Variants in ESRRB observed in about 807,000 individuals in gnomAD.
ESRRB encodes steroid hormone receptor ERR2.
Under a neutral mutation model 46.0 loss-of-function variants are expected in ESRRB, and 16 were observed. The ratio of observed to expected loss-of-function variants is 0.35; its 90% CI spans 0.24 to 0.53. ESRRB has a LOEUF of 0.53. Among genes scored for constraint, ESRRB ranks in the 20% least tolerant of loss-of-function variants. The pLI is 0.93. For synonymous variants in ESRRB, 246 were observed against 259.6 expected, an observed-to-expected ratio of 0.95 and a Z score of 0.50; for missense variants, 488 against 607.4, an observed-to-expected ratio of 0.80 and a Z score of 2.07.
intron 3 of ESRRB, among the ~76,000 whole-genome samples, chr14:76,475,199 T>C (rs1327560737): frequency 6.6e-6 from 1 of 151,760 alleles, no homozygotes; most frequent in African/African-American, 2.4e-5. Flanking sequence ...GCCTATAGAG[T>C]GAGACCCTGT....
Position 76,500,600 on chromosome 14 carries a change from A to C in ESRRB, c.*2142A>C. 4.6e-6 allele frequency: 6 copies of C among 1,297,346 alleles called. No individual in the cohort carries two copies. The highest frequency in any genetic ancestry group is 6.7e-6 in the Non-Finnish European group (6 of 894,654). 80.4% of individuals were successfully genotyped at this position (1,297,346 alleles called of 1,614,324 possible). On this transcript the variant is annotated 3_prime_UTR_variant, in exon 7 of 7. Coordinates refer to ENST00000644823, the MANE Select transcript of ESRRB (RefSeq NM_001379180.1). ...GTGCTGTGTCCTTGCAGCGGGGCCG[A>C]GGTAGCACCCTGCTCTGTCACTTCC... is the stretch of plus-strand genomic sequence containing the variant.
chr14:76,395,617 T>C (rs1348545150), intron 1 of ESRRB, among the ~76,000 whole-genome samples: 1 of 152,070 alleles, frequency 6.6e-6, no homozygotes, highest in Non-Finnish European at 1.5e-5. Context: ...CCTTCTCTTA[T>C]AGGGTTGCAG....
intron 2 of ESRRB, among the ~76,000 whole-genome samples, chr14:76,441,608 G>T (rs74068638): frequency 1.4e-3 from 215 of 152,324 alleles, no homozygotes; most frequent in African/African-American, 5.1e-3. Context: ...CTGAGCCACC[G>T]TGCCTCGCCG....
At chr14:76,458,373 T>A (rs555422761) in intron 2 of ESRRB, among the ~76,000 whole-genome samples, 41 of 151,414 alleles carry the variant, frequency 2.7e-4, no homozygotes, top group Non-Finnish European at 4.9e-4. Context: ...GCTGGGGCCA[T>A]AAAATAAATT....
intron 5 of ESRRB, among the ~76,000 whole-genome samples, chr14:76,489,354 T>C (rs981025657): frequency 2.6e-5 from 4 of 151,880 alleles, no homozygotes; most frequent in African/African-American, 9.7e-5. Flanking sequence ...GGAAATTGGA[T>C]GTCCATTTCT....
chr14:76,375,152 C>T (rs963775223), upstream of ESRRB, among the ~76,000 whole-genome samples: 3 of 150,796 alleles, frequency 2.0e-5, no homozygotes, highest in Non-Finnish European at 4.4e-5. Context: ...TAATTCTATA[C>T]CTACCCCCCT....
Position 76,482,530 on chromosome 14 carries a change from T to C in ESRRB, c.689-68T>C. On this transcript the variant is annotated intron_variant, in intron 4 of 6. Coordinates refer to ENST00000644823, the MANE Select transcript of ESRRB (RefSeq NM_001379180.1). The surrounding 1 kb of genome is among the most constrained non-coding windows in gnomAD (Gnocchi z 4.3). ...GAACCCAACTTTGCTTCCTGACCCATCTGAGCCTCCACCCCGGCCCCTTTC... is the reference window on the plus strand; with the variant it reads ...GAACCCAACTTTGCTTCCTGACCCACCTGAGCCTCCACCCCGGCCCCTTTC... 1 of 1,584,632 alleles carries C rather than the reference T, an allele frequency of 6.3e-7. No homozygotes were observed. The highest frequency in any genetic ancestry group is 8.7e-7 in the Non-Finnish European group (1 of 1,154,674).
intron 3 of ESRRB, among the ~76,000 whole-genome samples, chr14:76,472,299 A>C (rs1889403786): frequency 6.6e-6 from 1 of 152,206 alleles, no homozygotes; most frequent in African/African-American, 2.4e-5. Flanking sequence ...CCTTGGGGAC[A>C]TGGTGGCATG....
Position 76,428,001 on chromosome 14 carries a change from G to A in ESRRB, c.51-11340G>A, listed in dbSNP as rs377022216. Among the ~76,000 whole-genome samples, 15 of 152,208 alleles carry A rather than the reference G, an allele frequency of 9.9e-5. No homozygotes were observed. In the South Asian group the frequency reaches 3.1e-3, roughly 32 times the overall value. On this transcript the variant is annotated intron_variant, in intron 1 of 6. Transcript: ENST00000644823. The stretch of plus-strand genomic sequence containing the variant: ...GAGTGTGTTCAATGACAGTAATTGG[G>A]TTATATATATGTTTGAGATGGAGTT...
intron 2 of ESRRB, among the ~76,000 whole-genome samples, chr14:76,446,695 G>C (rs528700926): frequency 3.2e-4 from 48 of 152,244 alleles, no homozygotes; most frequent in African/African-American, 1.2e-3. Context: ...TATCTTTCTG[G>C]TTAGGATCTA....
chr14:76,487,091 GGT>G (rs1408736429), intron 5 of ESRRB, among the ~76,000 whole-genome samples: 1 of 152,116 alleles, frequency 6.6e-6, no homozygotes, highest in African/African-American at 2.4e-5. Context: ...CACTGTGTGA[GGT>G]GTGTGTGTGG....
intron 2 of ESRRB, among the ~76,000 whole-genome samples, chr14:76,449,828 A>G (rs929717400): frequency 6.8e-6 from 1 of 148,060 alleles, no homozygotes; most frequent in African/African-American, 2.5e-5. Flanking sequence ...GTGCAGAGAC[A>G]TGATCATGGC....
At chr14:76,487,606 C>CT (rs1159124152) in intron 5 of ESRRB, among the ~76,000 whole-genome samples, 21 of 149,054 alleles carry the variant, frequency 1.4e-4, no homozygotes, top group South Asian at 2.1e-4. Flanking sequence ...GGATAAATTT[C>CT]TTTTTTTTTC....
At chr14:76,319,152 C>T (rs938358985) in intron 1 of ESRRB, among the ~76,000 whole-genome samples, 3 of 152,210 alleles carry the variant, frequency 2.0e-5, no homozygotes, top group Admixed American at 1.3e-4. Context: ...TTTAACATGG[C>T]TTGTCTTTGC....
At chr14:76,389,748 G>C (rs1302995935) in intron 1 of ESRRB, among the ~76,000 whole-genome samples, 1 of 152,010 alleles carries the variant, frequency 6.6e-6, no homozygotes, top group African/African-American at 2.4e-5. Flanking sequence ...GTGGGCTGAT[G>C]GTCAAACACA....
intron 1 of ESRRB, chr14:76,407,682 C>A: frequency 5.2e-6 from 4 of 762,416 alleles, no homozygotes; most frequent in Non-Finnish European, 6.4e-6. Flanking sequence ...TTGATGCAGA[C>A]CATGCTGTCT....
chr14:76,469,931 TTTTTTTTTTTTTC>T (rs1889298951), intron 3 of ESRRB, among the ~76,000 whole-genome samples: 34 of 110,762 alleles, frequency 3.1e-4, no homozygotes, highest in Admixed American at 6.2e-4. Flanking sequence ...TTTTTGTTGT[TTTTTTTTTTTTTC>T]TTTTTTTTTT....
At chr14:76,398,864 C>T (rs1364994872) in intron 1 of ESRRB, among the ~76,000 whole-genome samples, 1 of 152,194 alleles carries the variant, frequency 6.6e-6, no homozygotes, top group African/African-American at 2.4e-5. Flanking sequence ...GGTCTGCCTG[C>T]CTCCTAAGTC....
At chr14:76,396,163 C>T (rs541437521) in intron 1 of ESRRB, among the ~76,000 whole-genome samples, 1 of 150,408 alleles carries the variant, frequency 6.6e-6, no homozygotes, top group East Asian at 2.0e-4. Context: ...CAGAGTGAGA[C>T]TCCGTATCAA....
Sources: allele counts gnomAD v4.1 joint callset (sites outside exome capture counted in the v4.1 genomes callset), GRCh38; gene constraint gnomAD v4.1.1; non-coding constraint Gnocchi (gnomAD v3.1); transcripts MANE v1.5; gene names NCBI Gene and HGNC (gene_info 2026-07-23, HGNC 2026-07-21).